AKAP12: variants seen among roughly 807,000 people sequenced by gnomAD.
The protein encoded by AKAP12 is A-kinase anchoring protein 12.
In AKAP12, 32 loss-of-function variants were observed where a neutral mutation model predicts 79.9. That is an observed-to-expected ratio of 0.40 (90% CI 0.30 to 0.54). The LOEUF (loss-of-function observed/expected upper bound fraction) is 0.54. AKAP12 is among the 20% of genes least tolerant of loss of function. The pLI, the probability that AKAP12 is intolerant of heterozygous loss-of-function variation, is 0.48. For missense variants in AKAP12, 2,074 were observed against 2,177.0 expected, an observed-to-expected ratio of 0.95 and a Z score of 0.94; for synonymous variants, 808 against 857.0, an observed-to-expected ratio of 0.94 and a Z score of 1.00.
chr6:151,246,403 G>A (rs560575219), intron 2 of AKAP12, among the ~76,000 whole-genome samples: 1 of 152,132 alleles, frequency 6.6e-6, no homozygotes, highest in Non-Finnish European at 1.5e-5. Flanking sequence ...GGGTGACAGT[G>A]CAAGACTCCG....
chr6:151,252,599 G>A (rs1797202874), intron 2 of AKAP12, among the ~76,000 whole-genome samples: 1 of 151,992 alleles, frequency 6.6e-6, no homozygotes. Flanking sequence ...GTAGAAGAGA[G>A]GACTAGAGGT....
intron 2 of AKAP12, among the ~76,000 whole-genome samples, chr6:151,264,890 G>A (rs944257229): frequency 2.0e-5 from 3 of 151,190 alleles, no homozygotes; most frequent in South Asian, 2.1e-4. Context: ...AGTGGCTCTC[G>A]CTTGTAATCC....
At chr6:151,295,463 ACT>A (rs1388495517) in intron 2 of AKAP12, among the ~76,000 whole-genome samples, 3 of 151,720 alleles carry the variant, frequency 2.0e-5, no homozygotes, top group Admixed American at 1.3e-4. Context: ...GTGGCGAGAA[ACT>A]CTCTGTCTAG....
intron 2 of AKAP12, among the ~76,000 whole-genome samples, chr6:151,275,265 A>G (rs1217776747): frequency 2.0e-5 from 3 of 152,114 alleles, no homozygotes; most frequent in Non-Finnish European, 2.9e-5. Flanking sequence ...TGTGTCTGGA[A>G]AACACATTTG....
chr6:151,331,434 A>G (rs570271737), intron 3 of AKAP12, among the ~76,000 whole-genome samples: 4 of 152,176 alleles, frequency 2.6e-5, no homozygotes, highest in Non-Finnish European at 5.9e-5. Context: ...TTCCACACTT[A>G]TTATTAAGGA....
chr6:151,258,468 A>G (rs1247545881), intron 2 of AKAP12, among the ~76,000 whole-genome samples: 1 of 152,178 alleles, frequency 6.6e-6, no homozygotes, highest in Non-Finnish European at 1.5e-5. Context: ...AAAAGCAAAT[A>G]ACTATATTCT....
At position 151,240,542 on chromosome 6, in the gene AKAP12, C is replaced by T; in HGVS notation, c.-21C>T. On this transcript the variant is annotated 5_prime_UTR_variant, in exon 2 of 5. Transcript: ENST00000402676. ...GAAGGCGTAACCCGGCGGCTAGGCG[C>T]GGGAGAAGTGCGGAGGAGCCATGGG... 2 of 1,426,096 alleles carry T rather than the reference C, an allele frequency of 1.4e-6. No individual in the cohort carries two copies. The highest frequency in any genetic ancestry group is 3.0e-5 in the African/African-American group (2 of 66,892). The allele number at this position is 1,426,096 out of a possible 1,614,324, so 88.3% of individuals were successfully genotyped here.
intron 2 of AKAP12, among the ~76,000 whole-genome samples, chr6:151,285,055 A>G (rs1321546420): frequency 1.3e-5 from 2 of 152,216 alleles, no homozygotes; most frequent in Non-Finnish European, 2.9e-5. Flanking sequence ...ACTTTATTTT[A>G]GGAATAGTTA....
intron 2 of AKAP12, among the ~76,000 whole-genome samples, chr6:151,288,330 C>CA (rs1193415792): frequency 6.6e-6 from 1 of 151,804 alleles, no homozygotes; most frequent in Admixed American, 6.6e-5. Context: ...GCCTGGACAA[C>CA]ATGGAGAAAC....
intron 3 of AKAP12, among the ~76,000 whole-genome samples, chr6:151,320,164 C>T (rs1777341200): frequency 6.6e-6 from 1 of 152,094 alleles, no homozygotes; most frequent in African/African-American, 2.4e-5. Context: ...CTGTCCCCTC[C>T]CTTTCAGGAA....
chr6:151,282,108 G>A (rs1165631452), intron 2 of AKAP12, among the ~76,000 whole-genome samples: 1 of 146,368 alleles, frequency 6.8e-6, no homozygotes, highest in Admixed American at 6.8e-5. Flanking sequence ...TTCTGAGATG[G>A]AGTCTTGCTC....
In AKAP12 at chr6:151,345,465, G is replaced by T. The variant is rs568607690; in HGVS notation, c.320-3246G>T. Reference sequence around the variant, plus strand: ...GATCTTTTTGGTGTCCATTTTAATTGACCTGTTTAGTACAAAAATCGATAT... The same window carrying T: ...GATCTTTTTGGTGTCCATTTTAATTTACCTGTTTAGTACAAAAATCGATAT... On this transcript the variant is annotated intron_variant, in intron 3 of 4. Coordinates refer to ENST00000402676, the MANE Select transcript of AKAP12 (RefSeq NM_005100.4). Among the ~76,000 whole-genome samples the T allele has an allele frequency of 4.0e-5, 3 of 75,230 alleles. No homozygotes were observed. In the South Asian group the frequency reaches 9.9e-4, roughly 25 times the overall value. 49.4% of individuals were successfully genotyped at this position (75,230 alleles called of 152,430 possible). A position where few individuals can be genotyped will look rare whatever the true frequency, so the allele number is the denominator to read the frequency against.
intron 2 of AKAP12, among the ~76,000 whole-genome samples, chr6:151,287,030 C>G (rs1776519551): frequency 1.3e-5 from 2 of 151,548 alleles, no homozygotes; most frequent in African/African-American, 4.9e-5. Context: ...ACCTCTGCCT[C>G]CCGGGTTCAC....
At chr6:151,287,966 A>G (rs189049878) in intron 2 of AKAP12, among the ~76,000 whole-genome samples, 143 of 152,208 alleles carry the variant, frequency 9.4e-4, no homozygotes, top group Admixed American at 3.8e-3. Context: ...ACACAGGAAC[A>G]GAAAACCAAA....
intron 2 of AKAP12, among the ~76,000 whole-genome samples, chr6:151,261,732 A>T (rs866022787): frequency 3.1e-5 from 4 of 130,028 alleles, no homozygotes; most frequent in East Asian, 2.9e-4. Context: ...GGTTTTTATT[A>T]TTTTATTTAT....
chr6:151,300,950 A>G (rs1185832762), intron 2 of AKAP12, among the ~76,000 whole-genome samples: 1 of 152,214 alleles, frequency 6.6e-6, no homozygotes, highest in Admixed American at 6.5e-5. Flanking sequence ...TCTCATCTCA[A>G]AAGAAATAAC....
At chr6:151,328,986 C>T (rs1477520013) in intron 3 of AKAP12, among the ~76,000 whole-genome samples, 1 of 152,164 alleles carries the variant, frequency 6.6e-6, no homozygotes, top group Non-Finnish European at 1.5e-5. Flanking sequence ...ACATTACATA[C>T]TGTTGCCATT....
intron 2 of AKAP12, among the ~76,000 whole-genome samples, chr6:151,293,490 A>G (rs555807170): frequency 2.0e-5 from 3 of 152,308 alleles, no homozygotes; most frequent in African/African-American, 7.2e-5. Flanking sequence ...GATGGTAATT[A>G]ATTTGCCCAG....
chr6:151,331,584 T>C (rs920058291), intron 3 of AKAP12, among the ~76,000 whole-genome samples: 11 of 152,200 alleles, frequency 7.2e-5, no homozygotes, highest in Non-Finnish European at 1.6e-4. Context: ...TTATTTTTAC[T>C]GCATCTTTTT....
Sources: gnomAD v4.1 joint callset for allele counts (sites outside exome capture counted in the v4.1 genomes callset) on GRCh38, gnomAD v4.1.1 for gene constraint, MANE v1.5 for transcripts, NCBI Gene and HGNC (gene_info 2026-07-23, HGNC 2026-07-21) for gene names.